Variants in PEX7 observed in about 807,000 individuals in gnomAD.
The protein encoded by PEX7 is peroxisomal biogenesis factor 7.
A neutral mutation model predicts 47.5 loss-of-function variants in PEX7; 34 were observed. The ratio of observed to expected loss-of-function variants is 0.72; its 90% CI spans 0.54 to 0.95. PEX7 has a LOEUF of 0.95. PEX7 is among the 40% of genes least tolerant of loss of function. The probability of loss-of-function intolerance (pLI) is 0.00; values close to 1 mark genes in which losing one functional copy is unlikely to be tolerated. For missense variants in PEX7, 394 were observed against 400.3 expected (o/e 0.98, Z 0.13); for synonymous variants, 141 against 148.8 (o/e 0.95, Z 0.38).
chr6:136,842,097 C>T (rs556480104), intron 3 of PEX7, among the ~76,000 whole-genome samples: 75 of 151,742 alleles, frequency 4.9e-4, no homozygotes, highest in African/African-American at 1.6e-3. Context: ...CTCCTGGGAG[C>T]GATTCTCCTG....
chr6:136,838,029 A>C (rs1774426330), intron 3 of PEX7, among the ~76,000 whole-genome samples: 2 of 152,216 alleles, frequency 1.3e-5, no homozygotes, highest in South Asian at 4.1e-4. Context: ...AATAGTTGAT[A>C]AGAAAAGTTC....
chr6:136,874,021 A>G (rs1295437631), intron 8 of PEX7, among the ~76,000 whole-genome samples: 1 of 152,126 alleles, frequency 6.6e-6, no homozygotes, highest in African/African-American at 2.4e-5. Flanking sequence ...TGTGTTTGCT[A>G]ATATTTTATT....
intron 9 of PEX7, among the ~76,000 whole-genome samples, chr6:136,902,643 T>C (rs1775772612): frequency 6.6e-6 from 1 of 152,156 alleles, no homozygotes; most frequent in Non-Finnish European, 1.5e-5. Flanking sequence ...CTTATCCTTC[T>C]TATTTCTAAA....
At chr6:136,872,710 A>T (rs759244382) in intron 8 of PEX7, among the ~76,000 whole-genome samples, 2 of 152,198 alleles carry the variant, frequency 1.3e-5, no homozygotes, top group Non-Finnish European at 2.9e-5. Flanking sequence ...ATGTGCATGG[A>T]TATCTAGATA....
chr6:136,869,078 A>G (rs1001971484), intron 6 of PEX7, among the ~76,000 whole-genome samples: 1 of 151,976 alleles, frequency 6.6e-6, no homozygotes, highest in African/African-American at 2.4e-5. Context: ...ACCTCAGAGT[A>G]TGTTGAAACC....
intron 9 of PEX7, among the ~76,000 whole-genome samples, chr6:136,905,558 G>A (rs1775832191): frequency 6.6e-6 from 1 of 151,712 alleles, no homozygotes; most frequent in South Asian, 2.1e-4. Context: ...TTCTTATTTA[G>A]CCATATAATT....
intron 9 of PEX7, among the ~76,000 whole-genome samples, chr6:136,901,944 C>T (rs1366066068): frequency 6.6e-6 from 1 of 152,094 alleles, no homozygotes; most frequent in African/African-American, 2.4e-5. Context: ...TGCCACCACG[C>T]CCAGCTAATT....
intron 3 of PEX7, among the ~76,000 whole-genome samples, chr6:136,828,534 G>A (rs562313757): frequency 6.6e-6 from 1 of 152,182 alleles, no homozygotes; most frequent in Admixed American, 6.5e-5. Context: ...AGCCCCTCTT[G>A]TCCAGGAAAC....
intron 6 of PEX7, among the ~76,000 whole-genome samples, chr6:136,867,208 C>G (rs1775087397): frequency 6.6e-6 from 1 of 152,056 alleles, no homozygotes; most frequent in Non-Finnish European, 1.5e-5. Flanking sequence ...CCATGTGCAA[C>G]TTTTTTAAAG....
At chr6:136,896,583 T>C (rs1179285850) in intron 8 of PEX7, among the ~76,000 whole-genome samples, 1 of 152,158 alleles carries the variant, frequency 6.6e-6, no homozygotes, top group East Asian at 1.9e-4. Context: ...CTTTGGCTGC[T>C]AGAAAGCTTA....
intron 3 of PEX7, among the ~76,000 whole-genome samples, chr6:136,831,500 T>G (rs1774293325): frequency 6.6e-6 from 1 of 152,234 alleles, no homozygotes; most frequent in Non-Finnish European, 1.5e-5. Flanking sequence ...CTTTTTCACA[T>G]TTCAAAACCA....
chr6:136,907,486 AT>A (rs559906977), intron 9 of PEX7, among the ~76,000 whole-genome samples: 15 of 146,254 alleles, frequency 1.0e-4, no homozygotes, highest in East Asian at 3.9e-4. Flanking sequence ...GTTAACTGTG[AT>A]TTTTTTTTTC....
intron 8 of PEX7, among the ~76,000 whole-genome samples, chr6:136,886,166 G>A (rs1342645): frequency 0.41 from 61,650 of 151,900 alleles, 13,284 homozygotes; most frequent in South Asian, 0.51. Context: ...GCCTTTTGTT[G>A]CCCTCTGCTC....
At chr6:136,880,937 T>C (rs937258530) in intron 8 of PEX7, among the ~76,000 whole-genome samples, 1 of 152,226 alleles carries the variant, frequency 6.6e-6, no homozygotes, top group African/African-American at 2.4e-5. Context: ...CTTTTGTTTG[T>C]TTTTTAGTAT....
At chr6:136,888,796 T>G (rs1775509533) in intron 8 of PEX7, among the ~76,000 whole-genome samples, 1 of 152,110 alleles carries the variant, frequency 6.6e-6, no homozygotes, top group Non-Finnish European at 1.5e-5. Context: ...ACATTTGTAT[T>G]TTAATGTGGT....
At chr6:136,898,979 C>T (rs561124747) in intron 9 of PEX7, among the ~76,000 whole-genome samples, 18 of 150,812 alleles carry the variant, frequency 1.2e-4, no homozygotes, top group African/African-American at 4.4e-4. Context: ...TGAAATTGTG[C>T]TTTTATGATA....
In PEX7 at chr6:136,856,291, TAAAAAAAAAAAA is replaced by T. The variant is rs397759780; in HGVS notation, c.526+10125_526+10136del. ...CAGCCAGGACTTCTTTGGTTGAAAG[TAAAAAAAAAAAA>T]AAAAAAAAAAAAAATTCTGACCCAA... On this transcript the variant is annotated intron_variant, in intron 5 of 9. Coordinates refer to ENST00000318471, the MANE Select transcript of PEX7 (RefSeq NM_000288.4). Among the ~76,000 whole-genome samples, 8 of 70,588 alleles carry T rather than the reference TAAAAAAAAAAAA, an allele frequency of 1.1e-4. No homozygotes were observed. In the South Asian group the frequency reaches 3.5e-3, roughly 31 times the overall value. The allele number at this position is 70,588 out of a possible 152,430, so 46.3% of individuals were successfully genotyped here.
chr6:136,871,454 G>A (rs1253156041), intron 7 of PEX7, among the ~76,000 whole-genome samples: 3 of 152,180 alleles, frequency 2.0e-5, no homozygotes, highest in South Asian at 2.1e-4. Flanking sequence ...CGTGATTATA[G>A]CAATCATATA....
At chr6:136,857,055 GTTC>G (rs1156903393) in intron 5 of PEX7, among the ~76,000 whole-genome samples, 1 of 152,132 alleles carries the variant, frequency 6.6e-6, no homozygotes, top group Admixed American at 6.5e-5. Flanking sequence ...AAGATTCAAA[GTTC>G]TTCTTCCACT....
Sources: gnomAD v4.1 joint callset for allele counts (sites outside exome capture counted in the v4.1 genomes callset) on GRCh38, gnomAD v4.1.1 for gene constraint, MANE v1.5 for transcripts, NCBI Gene and HGNC (gene_info 2026-07-23, HGNC 2026-07-21) for gene names.